LEPR: variants seen among roughly 807,000 people sequenced by gnomAD.
The protein encoded by LEPR is leptin receptor, also known as OB receptor.
In LEPR, 56 loss-of-function variants were observed where a neutral mutation model predicts 114.7. That is an observed-to-expected ratio of 0.49 (90% CI 0.39 to 0.61). LEPR has a LOEUF of 0.61. Among genes scored for constraint, LEPR ranks in the 20% least tolerant of loss-of-function variants. The pLI, the probability that LEPR is intolerant of heterozygous loss-of-function variation, is 0.00. For synonymous variants in LEPR, 443 were observed against 461.4 expected (o/e 0.96, Z 0.51); for missense variants, 1,202 against 1,352.9 (o/e 0.89, Z 1.75).
At chr1:65,545,627 A>C (rs560010781) in intron 2 of LEPR, among the ~76,000 whole-genome samples, 2 of 152,158 alleles carry the variant, frequency 1.3e-5, no homozygotes, top group African/African-American at 4.8e-5. Flanking sequence ...GTCTGTTCAT[A>C]TCCTTTGCCC....
chr1:65,535,802 G>A (rs765063088), intron 2 of LEPR, among the ~76,000 whole-genome samples: 19 of 152,186 alleles, frequency 1.2e-4, no homozygotes. Flanking sequence ...GGCATTTACC[G>A]ATGCTCTTTG....
At chr1:65,592,237 T>C (rs1199045655) in intron 5 of LEPR, among the ~76,000 whole-genome samples, 1 of 142,496 alleles carries the variant, frequency 7.0e-6, no homozygotes, top group African/African-American at 2.6e-5. Flanking sequence ...ACCACATTTC[T>C]ATCTGCTGTC....
At chr1:65,450,906 A>C (rs1277565525) in intron 2 of LEPR, among the ~76,000 whole-genome samples, 12 of 151,684 alleles carry the variant, frequency 7.9e-5, no homozygotes, top group South Asian at 4.2e-4. Flanking sequence ...GTGTAAAAGC[A>C]TTCCTATTTC....
chr1:65,609,933 G>GACTT lies in LEPR; in HGVS notation c.1753-12_1753-9dup, dbSNP rs1364700248. The GACTT allele has an allele frequency of 6.2e-7, 1 of 1,614,054 alleles. No homozygotes were observed. Among genetic ancestry groups the GACTT allele is most frequent in the East Asian group, 2.2e-5 (1 of 44,866 alleles). On this transcript the variant is annotated splice_polypyrimidine_tract_variant and intron_variant, in intron 12 of 19. Coordinates refer to ENST00000349533, the MANE Select transcript of LEPR (RefSeq NM_002303.6). Reference sequence around the variant, plus strand: ...TTGGTAATGATCAATCTAATGCTTTGACTTATTTTACAGATGTATGAGGTT... The same window carrying GACTT: ...TTGGTAATGATCAATCTAATGCTTTGACTTACTTATTTTACAGATGTATGAGGTT...
chr1:65,618,066 T>C lies in LEPR; in HGVS notation c.2315T>C (p.Ile772Thr). The C allele has an allele frequency of 6.2e-7, 1 of 1,612,442 alleles. No individual in the cohort carries two copies. Among genetic ancestry groups the C allele is most frequent in the Non-Finnish European group, 8.5e-7 (1 of 1,179,342 alleles). Reference sequence around the variant, plus strand: ...GATTACAAGCTAATGTATTTTATTATTGAGTGGAAAAATCTTAATGAAGAT... The same window carrying C: ...GATTACAAGCTAATGTATTTTATTACTGAGTGGAAAAATCTTAATGAAGAT... Reference protein sequence around the residue: ...PSDYKLMYFIIEWKNLNEDGE... With the variant: ...PSDYKLMYFITEWKNLNEDGE... The change falls in exon 16 of 20, where the codon ATT becomes ACT. Residue 772 changes from isoleucine (I) to threonine (T), a missense_variant. Coordinates refer to ENST00000349533, the MANE Select transcript of LEPR (RefSeq NM_002303.6).
chr1:65,529,128 A>G (rs771531606), intron 2 of LEPR, among the ~76,000 whole-genome samples: 12 of 152,126 alleles, frequency 7.9e-5, no homozygotes, highest in African/African-American at 1.2e-4. Flanking sequence ...AAAGTTTTAT[A>G]TGATTATGGT....
At chr1:65,564,822 A>T (rs1430747040) in intron 2 of LEPR, among the ~76,000 whole-genome samples, 1 of 152,142 alleles carries the variant, frequency 6.6e-6, no homozygotes, top group Non-Finnish European at 1.5e-5. Flanking sequence ...TTTTCATCCA[A>T]AGTCCAAGCC....
chr1:65,468,416 C>T (rs1006502406), intron 2 of LEPR, among the ~76,000 whole-genome samples: 8 of 152,210 alleles, frequency 5.3e-5, no homozygotes, highest in African/African-American at 1.9e-4. Flanking sequence ...TATACGAGAA[C>T]AATCTGTACT....
At chr1:65,472,334 T>A (rs1479307582) in intron 2 of LEPR, among the ~76,000 whole-genome samples, 1 of 151,410 alleles carries the variant, frequency 6.6e-6, no homozygotes, top group Non-Finnish European at 1.5e-5. Context: ...ATGGAGAAAT[T>A]AACTTGCAGT....
intron 2 of LEPR, among the ~76,000 whole-genome samples, chr1:65,536,142 G>T (rs983275040): frequency 6.6e-6 from 1 of 152,154 alleles, no homozygotes; most frequent in African/African-American, 2.4e-5. Flanking sequence ...TTAGGTCATG[G>T]AGCAGATCCC....
intron 2 of LEPR, chr1:65,435,989 CTTG>C (rs1472523863): frequency 7.1e-6 from 7 of 983,998 alleles, no homozygotes; most frequent in African/African-American, 1.7e-5. Flanking sequence ...GTAAATAAAA[CTTG>C]TTATTGACAT....
At chr1:65,430,621 C>A (rs1323809699) in intron 2 of LEPR, among the ~76,000 whole-genome samples, 1 of 152,136 alleles carries the variant, frequency 6.6e-6, no homozygotes, top group Non-Finnish European at 1.5e-5. Flanking sequence ...TTATTCCCTC[C>A]AATTACGTTC....
rs937503425 is a variant in LEPR at position 65,531,000 on chromosome 1, A to G, written c.-20-34546A>G. 1.4e-4 allele frequency among the ~76,000 whole-genome samples: 22 copies of G among 152,182 alleles called. No homozygotes were observed. In the South Asian group the frequency reaches 2.5e-3, roughly 17 times the overall value. Reference sequence around the variant, plus strand: ...AAATAGCAATCAGAGCACTCCTTTTATAATGCATGTCGGATCATGTCACTT... The same window carrying G: ...AAATAGCAATCAGAGCACTCCTTTTGTAATGCATGTCGGATCATGTCACTT... On this transcript the variant is annotated intron_variant, in intron 2 of 19. Transcript: ENST00000349533.
chr1:65,604,415 G>A (rs573061580), intron 10 of LEPR, among the ~76,000 whole-genome samples: 9 of 152,086 alleles, frequency 5.9e-5, no homozygotes, highest in African/African-American at 2.2e-4. Context: ...TACCATCTCC[G>A]TTCACTGCAA....
chr1:65,579,516 GAAGA>G (rs1284293307), intron 5 of LEPR, among the ~76,000 whole-genome samples: 3 of 152,200 alleles, frequency 2.0e-5, no homozygotes, highest in African/African-American at 7.2e-5. Flanking sequence ...TATGGTGGAT[GAAGA>G]TATATTTGAA....
At chr1:65,530,454 AC>A (rs999990082) in intron 2 of LEPR, among the ~76,000 whole-genome samples, 2 of 152,094 alleles carry the variant, frequency 1.3e-5, no homozygotes, top group African/African-American at 4.8e-5. Flanking sequence ...AAGAATGGCT[AC>A]TCCATAGAGC....
rs1364099690 is a variant in LEPR, at chr1:65,420,751, G to A, written c.-97+11G>A. 3 of 1,579,600 alleles carry A rather than the reference G, an allele frequency of 1.9e-6. No individual in the cohort carries two copies. Among genetic ancestry groups the A allele is most frequent in the Admixed American group, 3.8e-5 (2 of 52,724 alleles). ...TGGCGGGCGTTAAAGGTACATCGCG[G>A]TCCCCGGCTCGCTTGTCGTGTGGTG... On this transcript the variant is annotated intron_variant, in intron 1 of 19. Transcript: ENST00000349533.
At chr1:65,512,519 C>A (rs1050367896) in intron 2 of LEPR, among the ~76,000 whole-genome samples, 3 of 152,120 alleles carry the variant, frequency 2.0e-5, no homozygotes, top group African/African-American at 7.2e-5. Context: ...GTGCCCAGAT[C>A]CCAGAATGGT....
At chr1:65,626,318 A>C (rs1248160228) in intron 19 of LEPR, 38 of 1,323,324 alleles carry the variant, frequency 2.9e-5, no homozygotes, top group Non-Finnish European at 3.7e-5. Flanking sequence ...AATTAAAGAA[A>C]TGTGAAGAAT....
Sources: allele counts gnomAD v4.1 joint callset (sites outside exome capture counted in the v4.1 genomes callset), GRCh38; gene constraint gnomAD v4.1.1; transcripts MANE v1.5; gene names NCBI Gene and HGNC (gene_info 2026-07-23, HGNC 2026-07-21).